DLGAP2: variants seen among roughly 807,000 people sequenced by gnomAD.
DLGAP2 encodes DLG associated protein 2, also known as disks large-associated protein 2.
A neutral mutation model predicts 100.3 loss-of-function variants in DLGAP2; 26 were observed. The ratio of observed to expected loss-of-function variants is 0.26; its 90% confidence interval spans 0.19 to 0.36. The LOEUF is 0.36. Among genes scored for constraint, DLGAP2 ranks in the 10% least tolerant of loss-of-function variants. The probability of loss-of-function intolerance (pLI) is 1.00; values close to 1 mark genes in which losing one functional copy is unlikely to be tolerated. For missense variants in DLGAP2, 1,858 were observed against 1,453.2 expected, an observed-to-expected ratio of 1.28 and a Z score of -4.53; for synonymous variants, 886 against 630.1, an observed-to-expected ratio of 1.41 and a Z score of -6.08.
At chr8:1,373,731 C>T (rs1032440568) in intron 3 of DLGAP2, 11 of 152,312 alleles carry the variant, frequency 7.2e-5, no homozygotes, top group African/African-American at 1.9e-4. Context: ...GTGGCCTCTC[C>T]AGCTCAGGGA....
intron 1 of DLGAP2, among the ~76,000 whole-genome samples, chr8:838,579 T>G (rs1563057379): frequency 1.3e-5 from 2 of 152,110 alleles, no homozygotes; most frequent in Non-Finnish European, 2.9e-5. Flanking sequence ...ATAGATCCAG[T>G]GGATTTCCCT....
intron 11 of DLGAP2, among the ~76,000 whole-genome samples, chr8:1,677,964 A>G (rs1182179537): frequency 6.6e-6 from 1 of 152,252 alleles, no homozygotes; most frequent in Non-Finnish European, 1.5e-5. Flanking sequence ...GTATCATTCA[A>G]TAAACTTAAA....
At chr8:1,180,426 A>G (rs555782553) in intron 2 of DLGAP2, among the ~76,000 whole-genome samples, 1 of 152,336 alleles carries the variant, frequency 6.6e-6, no homozygotes, top group South Asian at 2.1e-4. Context: ...CCTGGTCTTG[A>G]GCTCAAGCAG....
At chr8:1,434,887 T>C (rs2130020068) in intron 3 of DLGAP2, among the ~76,000 whole-genome samples, 1 of 152,330 alleles carries the variant, frequency 6.6e-6, no homozygotes, top group South Asian at 2.1e-4. Context: ...GGTATCATCA[T>C]CCTTCTTATC....
chr8:1,070,065 T>G (rs971391261), intron 2 of DLGAP2, among the ~76,000 whole-genome samples: 4 of 152,216 alleles, frequency 2.6e-5, no homozygotes, highest in Admixed American at 1.3e-4. Flanking sequence ...ATTCAAACAT[T>G]CTTTTCTCCA....
intron 1 of DLGAP2, among the ~76,000 whole-genome samples, chr8:877,294 G>C (rs994020343): frequency 1.3e-5 from 2 of 152,084 alleles, no homozygotes; most frequent in Admixed American, 6.6e-5. Context: ...CCCACACCTG[G>C]GCTTGTTTTT....
Position 1,112,237 on chromosome 8 carries a change from A to ATTTTTT in DLGAP2, c.74-146598_74-146593dup, listed in dbSNP as rs4044488. ...AAAAGTGTGTTCATGTCCTTTGCCC[A>ATTTTTT]TTTTTTTTTTTTTTTTTTTTTGAGA... is the stretch of plus-strand genomic sequence containing the variant. On this transcript the variant is annotated intron_variant, in intron 2 of 14. Coordinates refer to ENST00000637795, the MANE Select transcript of DLGAP2 (RefSeq NM_001346810.2). Among the ~76,000 whole-genome samples the ATTTTTT allele has an allele frequency of 9.2e-4, 90 of 98,026 alleles. 5 individuals carry two copies. Among genetic ancestry groups the ATTTTTT allele is most frequent in the Non-Finnish European group, 1.2e-3 (66 of 53,286 alleles). The allele number at this position is 98,026 out of a possible 152,430, so 64.3% of individuals were successfully genotyped here.
chr8:1,017,781 T>C (rs1801509798), intron 2 of DLGAP2, among the ~76,000 whole-genome samples: 2 of 151,918 alleles, frequency 1.3e-5, no homozygotes, highest in African/African-American at 4.9e-5. Flanking sequence ...CTCGTCTGAG[T>C]GCAAGTGGCC....
chr8:1,185,741 A>T (rs201880068), intron 2 of DLGAP2, among the ~76,000 whole-genome samples: 4 of 106,112 alleles, frequency 3.8e-5, no homozygotes, highest in Non-Finnish European at 6.2e-5. Flanking sequence ...ACTCACACAC[A>T]CACACTCACA....
rs139099288 is a variant in DLGAP2, at chr8:1,377,499, G to A, written c.106+118616G>A. ...GCGGAGCTGGCAGTGAGCTGAGATC[G>A]CACCACTGCACTCCAGCCCGGGCGA... On this transcript the variant is annotated intron_variant, in intron 3 of 14. Coordinates refer to ENST00000637795, the MANE Select transcript of DLGAP2 (RefSeq NM_001346810.2). Among the ~76,000 whole-genome samples the A allele has an allele frequency of 5.3e-5, 8 of 152,216 alleles. No homozygotes were observed. In the East Asian group the frequency reaches 1.2e-3, roughly 22 times the overall value.
chr8:1,366,855 A>G (rs1296037777), intron 3 of DLGAP2, among the ~76,000 whole-genome samples: 1 of 152,194 alleles, frequency 6.6e-6, no homozygotes, highest in East Asian at 1.9e-4. Context: ...GATGCAAGAA[A>G]TGCTAATAAC....
At chr8:1,457,119 GC>G (rs1308306949) in intron 3 of DLGAP2, among the ~76,000 whole-genome samples, 1 of 152,166 alleles carries the variant, frequency 6.6e-6, no homozygotes, top group Non-Finnish European at 1.5e-5. Context: ...TATTGGAGTT[GC>G]AAGATTTTTC....
In DLGAP2 at chr8:932,147, C is replaced by G. The variant is rs145054766; in HGVS notation, c.73+24181C>G. The stretch of plus-strand genomic sequence containing the variant: ...AGCAAGTGTCTGATGTTTTTGTCGA[C>G]AAACCTTTTCCTTTTCACCTTTTCC... On this transcript the variant is annotated intron_variant, in intron 2 of 14. Transcript: ENST00000637795. Among the ~76,000 whole-genome samples, 3 of 152,348 alleles carry G rather than the reference C, an allele frequency of 2.0e-5. No homozygotes were observed. The East Asian group carries it at 5.8e-4, about 29-fold the overall frequency.
chr8:918,739 T>G (rs1398018676), intron 2 of DLGAP2, among the ~76,000 whole-genome samples: 2 of 152,180 alleles, frequency 1.3e-5, no homozygotes, highest in Non-Finnish European at 2.9e-5. Flanking sequence ...ATCCTTTTCT[T>G]TTATAGCTTT....
chr8:1,112,116 T>C (rs192702895), intron 2 of DLGAP2, among the ~76,000 whole-genome samples: 107 of 152,334 alleles, frequency 7.0e-4, no homozygotes, highest in Non-Finnish European at 1.2e-4. Flanking sequence ...TGGTGTGTGA[T>C]GATATCTCAT....
At chr8:1,313,164 C>T (rs558462969) in intron 3 of DLGAP2, among the ~76,000 whole-genome samples, 1 of 152,150 alleles carries the variant, frequency 6.6e-6, no homozygotes, top group Non-Finnish European at 1.5e-5. Flanking sequence ...AGACATAGAA[C>T]ATCACTGTAA....
chr8:1,348,793 T>G (rs540231052), intron 3 of DLGAP2, among the ~76,000 whole-genome samples: 184 of 152,324 alleles, frequency 1.2e-3, no homozygotes, highest in African/African-American at 4.3e-3. Flanking sequence ...GTGTATGCGG[T>G]GGAGCGTGTT....
chr8:927,045 C>T, intron 2 of DLGAP2: 2 of 985,334 alleles, frequency 2.0e-6, no homozygotes, highest in Non-Finnish European at 2.4e-6. Context: ...GGACTGGAGG[C>T]CTGGAGGAGC....
At chr8:1,562,402 C>T (rs1305906029) in intron 5 of DLGAP2, among the ~76,000 whole-genome samples, 6 of 55,992 alleles carry the variant, frequency 1.1e-4, no homozygotes, top group Non-Finnish European at 2.0e-4. Context: ...CGGGTGTCCG[C>T]GCCTCGTTAC....
Sources: gnomAD v4.1 joint callset for allele counts (sites outside exome capture counted in the v4.1 genomes callset) on GRCh38, gnomAD v4.1.1 for gene constraint, MANE v1.5 for transcripts, NCBI Gene and HGNC (gene_info 2026-07-23, HGNC 2026-07-21) for gene names.